Variants in CALCR observed in about 807,000 individuals in gnomAD.
The protein encoded by CALCR is calcitonin receptor.
Under a neutral mutation model 59.5 loss-of-function variants are expected in CALCR, and 47 were observed. The observed-to-expected ratio is 0.79, with a 90% CI of 0.63 to 1.01. The LOEUF is 1.01. Ranked by LOEUF, CALCR falls within the 50% of genes least tolerant of loss-of-function variation. The pLI is 0.00. For synonymous variants in CALCR, 213 were observed against 211.3 expected (o/e 1.01, Z -0.07); for missense variants, 566 against 597.1 (o/e 0.95, Z 0.54).
chr7:93,539,693 C>T (rs1265996287), intron 2 of CALCR, among the ~76,000 whole-genome samples: 1 of 152,068 alleles, frequency 6.6e-6, no homozygotes, highest in African/African-American at 2.4e-5. Context: ...CTTGGTTTTT[C>T]CATATGTAAA....
chr7:93,516,868 G>C (rs371459318), intron 2 of CALCR, among the ~76,000 whole-genome samples: 3 of 151,728 alleles, frequency 2.0e-5, no homozygotes, highest in African/African-American at 7.3e-5. Flanking sequence ...AAATTATCGC[G>C]GGTTTTTAGG....
At chr7:93,519,874 C>T (rs1801724881) in intron 2 of CALCR, among the ~76,000 whole-genome samples, 1 of 151,970 alleles carries the variant, frequency 6.6e-6, no homozygotes, top group Non-Finnish European at 1.5e-5. Flanking sequence ...TCTCCTTCAC[C>T]TTTGACTATG....
chr7:93,480,108 T>C (rs1800761611), intron 3 of CALCR, among the ~76,000 whole-genome samples: 1 of 151,924 alleles, frequency 6.6e-6, no homozygotes, highest in Non-Finnish European at 1.5e-5. Flanking sequence ...TCATGTTCAC[T>C]AATGAAAAAT....
chr7:93,438,333 C>T, intron 9 of CALCR, 63 bp from the exon 10 acceptor site: 1 of 1,211,998 alleles, frequency 8.3e-7, no homozygotes, highest in Non-Finnish European at 1.2e-6. Flanking sequence ...AGTACAGCTG[C>T]ATGGACAATG....
intron 2 of CALCR, among the ~76,000 whole-genome samples, chr7:93,496,735 G>C (rs1238628316): frequency 6.6e-6 from 1 of 151,564 alleles, no homozygotes; most frequent in African/African-American, 2.4e-5. Context: ...TCTCAAAACA[G>C]CTATGAGCTG....
chr7:93,457,787 T>C (rs1225017917), intron 8 of CALCR, among the ~76,000 whole-genome samples: 1 of 152,182 alleles, frequency 6.6e-6, no homozygotes, highest in Non-Finnish European at 1.5e-5. Context: ...CATGTCTGGT[T>C]ATAGGCGGCG....
At chr7:93,490,299 C>T (rs533454057) in intron 2 of CALCR, among the ~76,000 whole-genome samples, 4 of 151,818 alleles carry the variant, frequency 2.6e-5, no homozygotes, top group Admixed American at 2.6e-4. Context: ...GCCAATATCA[C>T]ATTGAATGGG....
intron 2 of CALCR, among the ~76,000 whole-genome samples, chr7:93,525,748 A>T (rs550766296): frequency 6.6e-6 from 1 of 152,294 alleles, no homozygotes; most frequent in Non-Finnish European, 1.5e-5. Flanking sequence ...GATTTCCTTG[A>T]ATATAAAATA....
At chr7:93,480,136 A>G (rs1347387974) in intron 3 of CALCR, among the ~76,000 whole-genome samples, 2 of 151,868 alleles carry the variant, frequency 1.3e-5, no homozygotes, top group African/African-American at 4.8e-5. Context: ...TTTCTTAGAT[A>G]TTTATCTCAG....
chr7:93,457,862 C>T (rs540048456), intron 8 of CALCR, among the ~76,000 whole-genome samples: 2 of 151,748 alleles, frequency 1.3e-5, no homozygotes, highest in African/African-American at 4.9e-5. Flanking sequence ...TAAATAAAGA[C>T]AATCAACAGC....
In CALCR at chr7:93,425,186, G is replaced by A. The variant is rs1200319548; in HGVS notation, c.*1170C>T. 1 of 152,618 alleles carries A rather than the reference G, an allele frequency of 6.6e-6. No individual in the cohort carries two copies. Among genetic ancestry groups the A allele is most frequent in the African/African-American group, 2.4e-5 (1 of 41,446 alleles). 9.5% of individuals were successfully genotyped at this position (152,618 alleles called of 1,614,324 possible). On this transcript the variant is annotated 3_prime_UTR_variant, in exon 14 of 14. Transcript: ENST00000426151. The stretch of plus-strand genomic sequence containing the variant: ...ATAATATAATACTGGATTTTAATGA[G>A]AAACGTTAAACATGAATTGATTTAT...
intron 11 of CALCR, among the ~76,000 whole-genome samples, chr7:93,437,110 T>G (rs1799797882): frequency 6.6e-6 from 1 of 152,124 alleles, no homozygotes; most frequent in Non-Finnish European, 1.5e-5. Flanking sequence ...CAATTTCTGT[T>G]AATTTATGGT....
chr7:93,539,388 A>T (rs919067282), intron 2 of CALCR, among the ~76,000 whole-genome samples: 1 of 151,834 alleles, frequency 6.6e-6, no homozygotes, highest in Admixed American at 6.6e-5. Flanking sequence ...GGCTTTTAGG[A>T]TCTAGTATTA....
chr7:93,492,916 A>C (rs1406432535), intron 2 of CALCR, among the ~76,000 whole-genome samples: 1 of 151,380 alleles, frequency 6.6e-6, no homozygotes, highest in Non-Finnish European at 1.5e-5. Context: ...AGGAAAACTT[A>C]GGATAACTAA....
At chr7:93,442,088 A>C (rs1031941658) in intron 9 of CALCR, among the ~76,000 whole-genome samples, 1 of 152,132 alleles carries the variant, frequency 6.6e-6, no homozygotes, top group African/African-American at 2.4e-5. Context: ...TGGCCTGTAA[A>C]GAAAGAGAAG....
chr7:93,477,502 C>T lies in CALCR; in HGVS notation c.316+56G>A, dbSNP rs1205393519. ...TTGTATCTGATTTTCTTCTCAAAAC[C>T]ATGAAAACTCTAAAAGCTTCATAGC... On this transcript the variant is annotated intron_variant, in intron 5 of 13. Transcript: ENST00000426151. 2.4e-6 allele frequency: 3 copies of T among 1,228,906 alleles called. No individual in the cohort carries two copies. In the Admixed American group the frequency reaches 5.5e-5, roughly 22 times the overall value. 76.1% of individuals were successfully genotyped at this position (1,228,906 alleles called of 1,614,324 possible).
intron 2 of CALCR, among the ~76,000 whole-genome samples, chr7:93,555,678 T>TAAAA (rs1789582174): frequency 7.6e-6 from 1 of 132,390 alleles, no homozygotes; most frequent in Non-Finnish European, 1.8e-5. Flanking sequence ...AGTAATTATA[T>TAAAA]CAAAGTGGCA....
rs1799503176 is a variant in CALCR, at chr7:93,425,375, A to C, written c.*981T>G. 1.3e-5 allele frequency: 2 copies of C among 152,616 alleles called. No individual in the cohort carries two copies. Among genetic ancestry groups the C allele is most frequent in the Non-Finnish European group, 2.9e-5 (2 of 68,028 alleles). The allele number at this position is 152,616 out of a possible 1,614,324, so 9.5% of individuals were successfully genotyped here. On this transcript the variant is annotated 3_prime_UTR_variant, in exon 14 of 14. Transcript: ENST00000426151. ...TGGGTGGAAAGCAGTTAATGGACTT[A>C]TGTGGAGTCTTTTAATTACCAATAT... is the stretch of plus-strand genomic sequence containing the variant.
At chr7:93,534,806 C>A (rs1788944452) in intron 2 of CALCR, among the ~76,000 whole-genome samples, 1 of 151,684 alleles carries the variant, frequency 6.6e-6, no homozygotes, top group Non-Finnish European at 1.5e-5. Flanking sequence ...AATATTTATT[C>A]TAATCCTAGT....
Sources: gnomAD v4.1 joint callset for allele counts (sites outside exome capture counted in the v4.1 genomes callset) on GRCh38, gnomAD v4.1.1 for gene constraint, MANE v1.5 for transcripts, NCBI Gene and HGNC (gene_info 2026-07-23, HGNC 2026-07-21) for gene names.